The following AGBL4 variants were observed in gnomAD, a reference collection of about 807,000 sequenced individuals.
AGBL4 encodes cytosolic carboxypeptidase 6.
AGBL4 carries 58 observed loss-of-function variants against 66.4 expected under a neutral mutation model. The ratio of observed to expected loss-of-function variants is 0.87; its 90% CI spans 0.71 to 1.09. The LOEUF is 1.09. AGBL4 is among the 50% of genes least tolerant of loss of function. The probability of loss-of-function intolerance (pLI) is 0.00; values close to 1 mark genes in which losing one functional copy is unlikely to be tolerated. For synonymous variants in AGBL4, 234 were observed against 222.9 expected (o/e 1.05, Z -0.44); for missense variants, 579 against 631.0 (o/e 0.92, Z 0.88).
chr1:48,593,244 C>G (rs1010275596), intron 9 of AGBL4, among the ~76,000 whole-genome samples: 3 of 152,180 alleles, frequency 2.0e-5, no homozygotes, highest in Non-Finnish European at 4.4e-5. Context: ...ACCATAAACA[C>G]ACCATTCAGA....
intron 3 of AGBL4, among the ~76,000 whole-genome samples, chr1:49,595,090 G>T (rs185788209): frequency 2.6e-5 from 4 of 152,048 alleles, no homozygotes; most frequent in Admixed American, 1.3e-4. Context: ...GTATCTCATT[G>T]TGGTTTTATT....
intron 3 of AGBL4, among the ~76,000 whole-genome samples, chr1:49,602,624 T>G (rs552388033): frequency 1.3e-5 from 2 of 151,532 alleles, no homozygotes; most frequent in East Asian, 3.9e-4. Context: ...TTCTCACTCA[T>G]AGGTGGGAGC....
chr1:49,231,656 C>T (rs1232708368), intron 4 of AGBL4, among the ~76,000 whole-genome samples: 1 of 152,180 alleles, frequency 6.6e-6, no homozygotes, highest in Non-Finnish European at 1.5e-5. Context: ...TACACATACA[C>T]ATAAACCCAT....
At chr1:49,801,666 T>C (rs1330368199) in intron 2 of AGBL4, among the ~76,000 whole-genome samples, 8 of 152,206 alleles carry the variant, frequency 5.3e-5, no homozygotes, top group Admixed American at 5.2e-4. Context: ...ACTGTTTGCT[T>C]TTCTGCTCTC....
chr1:49,024,839 C>A lies in AGBL4; in HGVS notation c.594+20745G>T, dbSNP rs538473877. Among the ~76,000 whole-genome samples the A allele has an allele frequency of 2.0e-5, 3 of 152,192 alleles. No homozygotes were observed. The East Asian group carries it at 5.8e-4, about 29-fold the overall frequency. Reference sequence around the variant, plus strand: ...AGAAGCCTCTTGTCATCACAGAAACCCTTAAGCTAAGTCACAATGTCTAGT... The same window carrying A: ...AGAAGCCTCTTGTCATCACAGAAACACTTAAGCTAAGTCACAATGTCTAGT... On this transcript the variant is annotated intron_variant, in intron 5 of 13. Coordinates refer to ENST00000371839, the MANE Select transcript of AGBL4 (RefSeq NM_032785.4).
At chr1:49,584,264 C>G (rs957708333) in intron 3 of AGBL4, among the ~76,000 whole-genome samples, 3 of 152,080 alleles carry the variant, frequency 2.0e-5, no homozygotes, top group Non-Finnish European at 4.4e-5. Context: ...ATTTGTTGGT[C>G]TTTGACATTA....
chr1:49,162,812 GA>G (rs2148144447), intron 4 of AGBL4, among the ~76,000 whole-genome samples: 1 of 152,258 alleles, frequency 6.6e-6, no homozygotes, highest in African/African-American at 2.4e-5. Flanking sequence ...ATAATTGTGA[GA>G]TTTTGGTAAG....
At chr1:49,199,684 G>T (rs1470067701) in intron 4 of AGBL4, among the ~76,000 whole-genome samples, 1 of 152,138 alleles carries the variant, frequency 6.6e-6, no homozygotes, top group Admixed American at 6.6e-5. Flanking sequence ...TTGGCTTTTA[G>T]AATTTTTAAC....
intron 4 of AGBL4, among the ~76,000 whole-genome samples, chr1:49,088,835 T>C (rs1348021315): frequency 6.6e-6 from 1 of 152,036 alleles, no homozygotes; most frequent in Non-Finnish European, 1.5e-5. Flanking sequence ...ATTCTAAAAT[T>C]GACCTCACAA....
chr1:49,769,798 C>A (rs1433922765), intron 2 of AGBL4, among the ~76,000 whole-genome samples: 1 of 152,110 alleles, frequency 6.6e-6, no homozygotes, highest in African/African-American at 2.4e-5. Context: ...TCAAGTTATA[C>A]AAAAATTAAC....
chr1:49,174,270 T>C (rs1457490714), intron 4 of AGBL4, among the ~76,000 whole-genome samples: 1 of 152,046 alleles, frequency 6.6e-6, no homozygotes, highest in Non-Finnish European at 1.5e-5. Flanking sequence ...ATAAAATCTC[T>C]ATATAGGTGA....
At chr1:48,800,739 A>G (rs1169124600) in intron 6 of AGBL4, among the ~76,000 whole-genome samples, 4 of 152,204 alleles carry the variant, frequency 2.6e-5, no homozygotes, top group Admixed American at 2.0e-4. Flanking sequence ...TCTTTATTTC[A>G]TTGCTTACCC....
chr1:49,842,099 A>T, intron 2 of AGBL4: 1 of 345,360 alleles, frequency 2.9e-6, no homozygotes, highest in Non-Finnish European at 5.5e-6. Context: ...CGACCTCCTG[A>T]AGTCCGCGCC....
intron 3 of AGBL4, among the ~76,000 whole-genome samples, chr1:49,402,431 T>G (rs1487250270): frequency 2.0e-5 from 3 of 152,208 alleles, no homozygotes; most frequent in African/African-American, 7.2e-5. Flanking sequence ...TTATTCATTG[T>G]CCAGTGCTCA....
intron 6 of AGBL4, among the ~76,000 whole-genome samples, chr1:48,846,804 A>G (rs977272404): frequency 6.6e-6 from 1 of 152,150 alleles, no homozygotes; most frequent in Non-Finnish European, 1.5e-5. Flanking sequence ...AGTGATTGGC[A>G]GTCCATGTGT....
chr1:49,189,152 C>T (rs1647069418), intron 4 of AGBL4, among the ~76,000 whole-genome samples: 1 of 152,190 alleles, frequency 6.6e-6, no homozygotes, highest in Admixed American at 6.6e-5. Flanking sequence ...GAGTGGCATA[C>T]ATTTGAGGGC....
At chr1:49,009,279 A>C (rs1386618533) in intron 5 of AGBL4, among the ~76,000 whole-genome samples, 10 of 152,214 alleles carry the variant, frequency 6.6e-5, no homozygotes, top group Non-Finnish European at 1.5e-4. Flanking sequence ...AAAATCTAGA[A>C]GAAATGGATA....
At chr1:49,514,692 T>C (rs1192742695) in intron 3 of AGBL4, among the ~76,000 whole-genome samples, 4 of 152,018 alleles carry the variant, frequency 2.6e-5, no homozygotes, top group Non-Finnish European at 5.9e-5. Flanking sequence ...AACAGAGATA[T>C]AGATCAATGG....
chr1:48,774,345 A>G (rs1644974297), intron 6 of AGBL4, among the ~76,000 whole-genome samples: 1 of 152,174 alleles, frequency 6.6e-6, no homozygotes, highest in Admixed American at 6.5e-5. Context: ...TTGAAGATAC[A>G]TAGGAGTTAT....
Sources: gnomAD v4.1 joint callset for allele counts (sites outside exome capture counted in the v4.1 genomes callset) on GRCh38, gnomAD v4.1.1 for gene constraint, MANE v1.5 for transcripts, NCBI Gene and HGNC (gene_info 2026-07-23, HGNC 2026-07-21) for gene names.